TSHZ2: variants seen among roughly 807,000 people sequenced by gnomAD.
TSHZ2 encodes the protein teashirt homolog 2.
A neutral mutation model predicts 74.4 loss-of-function variants in TSHZ2; 21 were observed. That is an observed-to-expected ratio of 0.28 (90% confidence interval 0.20 to 0.41). The LOEUF is 0.41. Among genes scored for constraint, TSHZ2 ranks in the 10% least tolerant of loss-of-function variants. The pLI is 1.00. For synonymous variants in TSHZ2, 540 were observed against 515.3 expected (o/e 1.05, Z -0.65); for missense variants, 1,244 against 1,293.5 (o/e 0.96, Z 0.59).
chr20:53,370,476 C>T (rs550688008), intron 2 of TSHZ2, among the ~76,000 whole-genome samples: 1 of 152,308 alleles, frequency 6.6e-6, no homozygotes, highest in Admixed American at 6.5e-5. Flanking sequence ...AAAAACTAAA[C>T]AAGGCCAGGC....
intron 2 of TSHZ2, among the ~76,000 whole-genome samples, chr20:53,324,294 A>G (rs1979405190): frequency 6.6e-6 from 1 of 152,156 alleles, no homozygotes; most frequent in Non-Finnish European, 1.5e-5. Flanking sequence ...GTCCAACAGC[A>G]GGCGGGTCCA....
rs753807167 is a variant in TSHZ2 at position 53,494,287 on chromosome 20, C to CAA, written c.*7165_*7166dup. On this transcript the variant is annotated 3_prime_UTR_variant, in exon 3 of 3. Coordinates refer to ENST00000371497, the MANE Select transcript of TSHZ2 (RefSeq NM_173485.6). ...TGGGCAACAGAGCAAGACTGTGTCT[C>CAA]AAAAAAAAAAAAAAGAATGGATTTT... The CAA allele has an allele frequency of 4.1e-4, 54 of 131,942 alleles. No individual in the cohort carries two copies. Among genetic ancestry groups the CAA allele is most frequent in the African/African-American group, 1.4e-3 (50 of 36,980 alleles). The allele number at this position is 131,942 out of a possible 1,614,324, so 8.2% of individuals were successfully genotyped here. A position where few individuals can be genotyped will look rare whatever the true frequency, so the allele number is the denominator to read the frequency against.
chr20:53,441,729 G>A (rs969120499), intron 2 of TSHZ2, among the ~76,000 whole-genome samples: 5 of 151,974 alleles, frequency 3.3e-5, no homozygotes, highest in Non-Finnish European at 5.9e-5. Context: ...TTACAGGCAT[G>A]TGCCACCTTG....
chr20:53,272,275 G>A (rs972620758), intron 2 of TSHZ2, among the ~76,000 whole-genome samples: 3 of 152,100 alleles, frequency 2.0e-5, no homozygotes, highest in African/African-American at 7.2e-5. Flanking sequence ...CTCCCAAAGT[G>A]CTAGGATTAC....
At chr20:53,049,407 A>C (rs1984343510) in intron 1 of TSHZ2, among the ~76,000 whole-genome samples, 1 of 152,098 alleles carries the variant, frequency 6.6e-6, no homozygotes, top group African/African-American at 2.4e-5. Flanking sequence ...TATTCAACCT[A>C]AAACTCAACT....
At position 53,351,163 on chromosome 20, in the gene TSHZ2, C is replaced by A. The variant is rs1337369233; in HGVS notation, c.*8+94592C>A. ...AGACTAACTTTCATCCGCATCTGAT[C>A]TGCCAATATCAGCTTTTTTCTGAAA... On this transcript the variant is annotated intron_variant, in intron 2 of 2. Coordinates refer to ENST00000371497, the MANE Select transcript of TSHZ2 (RefSeq NM_173485.6). Among the ~76,000 whole-genome samples, 34 of 152,334 alleles carry A rather than the reference C, an allele frequency of 2.2e-4. 1 individual carries two copies. Among genetic ancestry groups the A allele is most frequent in the Non-Finnish European group, 5.9e-5 (4 of 68,028 alleles).
intron 2 of TSHZ2, among the ~76,000 whole-genome samples, chr20:53,403,905 C>T (rs544166278): frequency 6.6e-6 from 1 of 152,280 alleles, no homozygotes; most frequent in Admixed American, 6.5e-5. Context: ...CTAACCACAG[C>T]CGTGAGCCAA....
At chr20:53,270,666 C>T (rs1015696157) in intron 2 of TSHZ2, among the ~76,000 whole-genome samples, 1 of 70,472 alleles carries the variant, frequency 1.4e-5, no homozygotes. Context: ...TGAATGCCTC[C>T]CCCCCAAAAA....
intron 1 of TSHZ2, among the ~76,000 whole-genome samples, chr20:52,989,601 T>C (rs1981900357): frequency 6.6e-6 from 1 of 152,198 alleles, no homozygotes; most frequent in African/African-American, 2.4e-5. Context: ...CATGCACTAT[T>C]ATGAGAAGTT....
chr20:53,370,656 C>T (rs1981433877), intron 2 of TSHZ2, among the ~76,000 whole-genome samples: 1 of 152,072 alleles, frequency 6.6e-6, no homozygotes, highest in African/African-American at 2.4e-5. Flanking sequence ...CCCAGATACT[C>T]AGGGGGCTGA....
At chr20:53,369,178 T>C (rs1328504052) in intron 2 of TSHZ2, among the ~76,000 whole-genome samples, 2 of 152,024 alleles carry the variant, frequency 1.3e-5, no homozygotes, top group African/African-American at 4.8e-5. Flanking sequence ...GGTGGGAGGA[T>C]CACCTGATCC....
intron 2 of TSHZ2, among the ~76,000 whole-genome samples, chr20:53,311,379 C>T (rs1978778521): frequency 6.6e-6 from 1 of 152,210 alleles, no homozygotes; most frequent in Admixed American, 6.5e-5. Context: ...AAACTTCTAA[C>T]AGTAAAGCAA....
chr20:53,011,538 A>C (rs1042151886), intron 1 of TSHZ2, among the ~76,000 whole-genome samples: 2 of 152,226 alleles, frequency 1.3e-5, no homozygotes, highest in South Asian at 2.1e-4. Flanking sequence ...AGACTTATTC[A>C]GTTTCTATCA....
intron 1 of TSHZ2, among the ~76,000 whole-genome samples, chr20:53,143,834 ATAGAGAAATAGTT>A: frequency 6.6e-6 from 1 of 152,260 alleles, no homozygotes; most frequent in Non-Finnish European, 1.5e-5. Context: ...GAGAGTGGCA[ATAGAGAAATAGTT>A]TAATTCACGC....
chr20:53,342,955 C>CTTTTTTTTTTTTTTT lies in TSHZ2; in HGVS notation c.*8+86399_*8+86413dup, dbSNP rs1175907478. 8.9e-3 allele frequency among the ~76,000 whole-genome samples: 548 copies of CTTTTTTTTTTTTTTT among 61,284 alleles called. 36 individuals carry two copies. Among genetic ancestry groups the CTTTTTTTTTTTTTTT allele is most frequent in the Non-Finnish European group, 0.011 (364 of 33,454 alleles). 40.2% of individuals were successfully genotyped at this position (61,284 alleles called of 152,430 possible). A position where few individuals can be genotyped will look rare whatever the true frequency, so the allele number is the denominator to read the frequency against. ...TATTTCTTTTCTTTTCTTTTCTTTT[C>CTTTTTTTTTTTTTTT]TTTTTTTTTTTTTTTTTTTTTTTTT... On this transcript the variant is annotated intron_variant, in intron 2 of 2. Coordinates refer to ENST00000371497, the MANE Select transcript of TSHZ2 (RefSeq NM_173485.6).
Position 52,973,052 on chromosome 20 carries a change from G to C in TSHZ2, c.-242G>C. The C allele has an allele frequency of 4.2e-6, 2 of 474,568 alleles. No homozygotes were observed. The highest frequency in any genetic ancestry group is 7.5e-6 in the Non-Finnish European group (2 of 267,518). 29.4% of individuals were successfully genotyped at this position (474,568 alleles called of 1,614,324 possible). On this transcript the variant is annotated 5_prime_UTR_variant, in exon 1 of 3. Transcript: ENST00000371497. ...AATAAACAAACAAACAAACAAGGCA[G>C]AACCAACCTCTACTTCAAAGCAGCC...
At chr20:53,063,474 G>T (rs1257739242) in intron 1 of TSHZ2, among the ~76,000 whole-genome samples, 1 of 152,152 alleles carries the variant, frequency 6.6e-6, no homozygotes, top group East Asian at 1.9e-4. Context: ...ACAATTTAAA[G>T]ATTTTTAAGG....
chr20:53,018,055 A>T (rs1316876458), intron 1 of TSHZ2, among the ~76,000 whole-genome samples: 1 of 152,192 alleles, frequency 6.6e-6, no homozygotes, highest in Non-Finnish European at 1.5e-5. Context: ...CATCACATTC[A>T]AACTGGTTTA....
chr20:53,142,306 G>A (rs1261909098), intron 1 of TSHZ2, among the ~76,000 whole-genome samples: 2 of 152,154 alleles, frequency 1.3e-5, no homozygotes, highest in African/African-American at 4.8e-5. Flanking sequence ...CCTGCCCCCA[G>A]CAGCTCCACA....
Sources: allele counts gnomAD v4.1 joint callset (sites outside exome capture counted in the v4.1 genomes callset), GRCh38; gene constraint gnomAD v4.1.1; transcripts MANE v1.5; gene names NCBI Gene and HGNC (gene_info 2026-07-23, HGNC 2026-07-21).